Variants in KCNQ4 observed in about 807,000 individuals in gnomAD.
KCNQ4 encodes potassium voltage-gated channel subfamily Q member 4.
A neutral mutation model predicts 72.6 loss-of-function variants in KCNQ4; 31 were observed. That is an observed-to-expected ratio of 0.43 (90% CI 0.32 to 0.58). The LOEUF (loss-of-function observed/expected upper bound fraction) is 0.58. Ranked by LOEUF, KCNQ4 falls within the 20% of genes least tolerant of loss-of-function variation. KCNQ4 has a pLI of 0.08. For synonymous variants in KCNQ4, 405 were observed against 403.7 expected, an observed-to-expected ratio of 1.00 and a Z score of -0.04; for missense variants, 869 against 962.6, an observed-to-expected ratio of 0.90 and a Z score of 1.29.
rs550160966 is a variant in KCNQ4 at position 40,818,296 on chromosome 1, G to A, written c.532+6G>A. On this transcript the variant is annotated splice_donor_region_variant and intron_variant, in intron 3 of 13. Coordinates refer to ENST00000347132, the MANE Select transcript of KCNQ4 (RefSeq NM_004700.4). Reference sequence around the variant, plus strand: ...AAAGCCCTTCTGTGTCATCGGTAATGAGGCGCGCCCCGCCCGACCTGACCC... The same window carrying A: ...AAAGCCCTTCTGTGTCATCGGTAATAAGGCGCGCCCCGCCCGACCTGACCC... The A allele has an allele frequency of 1.2e-6, 2 of 1,613,624 alleles. No homozygotes were observed. The highest frequency in any genetic ancestry group is 1.1e-5 in the South Asian group (1 of 91,082).
chr1:40,805,852 T>C (rs113304134), intron 1 of KCNQ4, among the ~76,000 whole-genome samples: 13,787 of 152,170 alleles, frequency 0.091, 792 homozygotes, highest in South Asian at 0.12. Context: ...AAATTTTTTT[T>C]TTTTTTTAAG....
intron 9 of KCNQ4, among the ~76,000 whole-genome samples, chr1:40,829,735 C>T (rs1317165693): frequency 2.0e-5 from 3 of 152,228 alleles, no homozygotes; most frequent in Admixed American, 1.3e-4. Context: ...GGCTGGTACT[C>T]TCTTGATCTG....
intron 5 of KCNQ4, 75 bp from the exon 6 acceptor site, chr1:40,819,800 T>C (rs1341629632): frequency 1.7e-6 from 2 of 1,205,016 alleles, no homozygotes. Context: ...ATCAGGCTCC[T>C]ACCTGCCTGT....
At chr1:40,807,458 C>T (rs1040944041) in intron 1 of KCNQ4, among the ~76,000 whole-genome samples, 2 of 151,222 alleles carry the variant, frequency 1.3e-5, no homozygotes, top group East Asian at 3.9e-4. Context: ...CCCTGGGTCA[C>T]GTGCTCTTGC....
Position 40,836,529 on chromosome 1 carries a change from A to G in KCNQ4, c.1746-1136A>G, listed in dbSNP as rs74569679. Among the ~76,000 whole-genome samples, 258 of 152,272 alleles carry G rather than the reference A, an allele frequency of 1.7e-3. 7 individuals carry two copies. In the East Asian group the frequency reaches 0.043, roughly 25 times the overall value. On this transcript the variant is annotated intron_variant, in intron 12 of 13. Coordinates refer to ENST00000347132, the MANE Select transcript of KCNQ4 (RefSeq NM_004700.4). Reference sequence around the variant, plus strand: ...TGGTGTCGAAAGTGTAGAGGAATTGAAAATTATGGATCTGAAGACATCAAC... The same window carrying G: ...TGGTGTCGAAAGTGTAGAGGAATTGGAAATTATGGATCTGAAGACATCAAC...
intron 5 of KCNQ4, 119 bp from the exon 6 acceptor site, chr1:40,819,755 GC>G: frequency 1.1e-6 from 1 of 883,960 alleles, no homozygotes. Flanking sequence ...ACCCTAACCA[GC>G]CCCCGTGGGT....
At position 40,818,653 on chromosome 1, in the gene KCNQ4, G is replaced by A. The variant is rs145507743; in HGVS notation, c.681G>A (p.Leu227=). 26 of 1,605,376 alleles carry A rather than the reference G, an allele frequency of 1.6e-5. No individual in the cohort carries two copies. In the African/African-American group the frequency reaches 3.5e-4, roughly 21 times the overall value. The change falls in exon 4 of 14, where the codon CTG becomes CTA. Residue 227 remains leucine, a synonymous_variant. Transcript: ENST00000347132. ...MDRRGGTWKL[L]GSVVYAHSKE... is the part of the protein sequence containing the mutation. ...GCCGCGGCGGCACCTGGAAGCTGCT[G>A]GGCTCAGTGGTCTACGCGCATAGCA...
At chr1:40,819,608 C>A in intron 5 of KCNQ4, 136 bp downstream of exon 5, 1 of 1,210,082 alleles carries the variant, frequency 8.3e-7, no homozygotes, top group East Asian at 2.4e-5. Flanking sequence ...TGGGACCCCC[C>A]TGAGACCAGC....
At position 40,784,841 on chromosome 1, in the gene KCNQ4, C is replaced by T. The variant is rs1387712259; in HGVS notation, c.314+434C>T. Among the ~76,000 whole-genome samples, 2 of 152,222 alleles carry T rather than the reference C, an allele frequency of 1.3e-5. No homozygotes were observed. The highest frequency in any genetic ancestry group is 2.4e-5 in the African/African-American group (1 of 41,460). ...CCCACACGCTTCTGTCACCTGCTCC[C>T]CAGCTCTGAGCTATGAAGGGCTCCC... On this transcript the variant is annotated intron_variant, in intron 1 of 13. Coordinates refer to ENST00000347132, the MANE Select transcript of KCNQ4 (RefSeq NM_004700.4). This position sits in a 1 kb window ranked among gnomAD's most constrained non-coding sequence, Gnocchi z 4.1.
At chr1:40,829,417 G>C (rs930754126) in intron 9 of KCNQ4, among the ~76,000 whole-genome samples, 1 of 152,108 alleles carries the variant, frequency 6.6e-6, no homozygotes, top group Non-Finnish European at 1.5e-5. Flanking sequence ...CTGTCCTTTT[G>C]ATACCCTCAG....
intron 4 of KCNQ4, among the ~76,000 whole-genome samples, 199 bp from the exon 5 acceptor site, chr1:40,819,148 A>G (rs1648198234): frequency 2.2e-4 from 1 of 4,522 alleles, no homozygotes; most frequent in African/African-American, 1.1e-3. Flanking sequence ...GGGGGTGGGA[A>G]TGGGGGTCGG....
In KCNQ4 at chr1:40,825,681, T is replaced by C. The variant is rs183979622; in HGVS notation, c.1292+1423T>C. Among the ~76,000 whole-genome samples the C allele has an allele frequency of 3.9e-5, 6 of 152,216 alleles. No individual in the cohort carries two copies. The East Asian group carries it at 1.2e-3, about 29-fold the overall frequency. On this transcript the variant is annotated intron_variant, in intron 9 of 13. Coordinates refer to ENST00000347132, the MANE Select transcript of KCNQ4 (RefSeq NM_004700.4). Reference sequence around the variant, plus strand: ...TTCTCTGCCCGAAGGTCCCTCATTGTTACCTTCATCCCTACCAAACATAGT... The same window carrying C: ...TTCTCTGCCCGAAGGTCCCTCATTGCTACCTTCATCCCTACCAAACATAGT...
At position 40,794,456 on chromosome 1, in the gene KCNQ4, G is replaced by A. The variant is rs552928758; in HGVS notation, c.314+10049G>A. ...AGACAAGAAACTGGGGCTCAAAGAA[G>A]AGAAACACCACATACTAAGTTACAC... is the stretch of plus-strand genomic sequence containing the variant. On this transcript the variant is annotated intron_variant, in intron 1 of 13. Transcript: ENST00000347132. The surrounding 1 kb of genome is among the most constrained non-coding windows in gnomAD (Gnocchi z 4.2). Among the ~76,000 whole-genome samples the A allele has an allele frequency of 6.6e-6, 1 of 152,348 alleles. No homozygotes were observed. The highest frequency in any genetic ancestry group is 2.4e-5 in the African/African-American group (1 of 41,588).
chr1:40,815,623 C>T (rs1295165460), intron 1 of KCNQ4, among the ~76,000 whole-genome samples: 1 of 152,184 alleles, frequency 6.6e-6, no homozygotes, highest in Non-Finnish European at 1.5e-5. Context: ...GGAATAAGCT[C>T]TTCTCGAACT....
chr1:40,784,612 A>C lies in KCNQ4; in HGVS notation c.314+205A>C, dbSNP rs1647185623. On this transcript the variant is annotated intron_variant, in intron 1 of 13. Coordinates refer to ENST00000347132, the MANE Select transcript of KCNQ4 (RefSeq NM_004700.4). This position sits in a 1 kb window ranked among gnomAD's most constrained non-coding sequence, Gnocchi z 4.1. ...ATCTCCCAGGCCTGACCCCTGCTTG[A>C]CCTCGCTTCTGACCTCCCCGCACCG... Among the ~76,000 whole-genome samples, 1 of 149,830 alleles carries C rather than the reference A, an allele frequency of 6.7e-6. No homozygotes were observed. Among genetic ancestry groups the C allele is most frequent in the African/African-American group, 2.5e-5 (1 of 40,578 alleles).
intron 10 of KCNQ4, among the ~76,000 whole-genome samples, 179 bp from the exon 11 acceptor site, chr1:40,832,835 T>G (rs1199185702): frequency 6.6e-6 from 1 of 150,872 alleles, no homozygotes; most frequent in Non-Finnish European, 1.5e-5. Context: ...TGCAACACAC[T>G]GGGGCTTTCC....
chr1:40,785,739 G>A (rs1439375214), intron 1 of KCNQ4, among the ~76,000 whole-genome samples: 2 of 151,900 alleles, frequency 1.3e-5, no homozygotes, highest in East Asian at 1.9e-4. Flanking sequence ...TCTGTCCTTC[G>A]GCCTGTTTCT....
At chr1:40,816,603 G>A (rs1558010768) in intron 1 of KCNQ4, among the ~76,000 whole-genome samples, 1 of 152,298 alleles carries the variant, frequency 6.6e-6, no homozygotes, top group East Asian at 1.9e-4. Context: ...GGGCCACTCT[G>A]TAGTTTCATG....
At chr1:40,795,576 C>G (rs1339650272) in intron 1 of KCNQ4, among the ~76,000 whole-genome samples, 1 of 152,032 alleles carries the variant, frequency 6.6e-6, no homozygotes, top group Non-Finnish European at 1.5e-5. Context: ...TTTTACTGTT[C>G]TTATCTTGCC....
Sources: allele counts gnomAD v4.1 joint callset (sites outside exome capture counted in the v4.1 genomes callset), GRCh38; gene constraint gnomAD v4.1.1; non-coding constraint Gnocchi (gnomAD v3.1); transcripts MANE v1.5; gene names NCBI Gene and HGNC (gene_info 2026-07-23, HGNC 2026-07-21).